Variants in PLEKHM3 observed in about 807,000 individuals in gnomAD.
The protein encoded by PLEKHM3 is pleckstrin homology domain containing M3, also known as pleckstrin homology domain-containing family M member 3.
PLEKHM3 carries 45 observed loss-of-function variants against 81.8 expected under a neutral mutation model. That is an observed-to-expected ratio of 0.55 (90% CI 0.43 to 0.71). The LOEUF (loss-of-function observed/expected upper bound fraction) is 0.71, where lower values mean the gene tolerates loss of function less well. Ranked by LOEUF, PLEKHM3 falls within the 30% of genes least tolerant of loss-of-function variation. The pLI, the probability that PLEKHM3 is intolerant of heterozygous loss-of-function variation, is 0.00. For missense variants in PLEKHM3, 788 were observed against 924.3 expected (o/e 0.85, Z 1.91); for synonymous variants, 352 against 356.4 (o/e 0.99, Z 0.14).
intron 7 of PLEKHM3, among the ~76,000 whole-genome samples, chr2:207,831,818 A>G (rs2092290380): frequency 6.6e-6 from 1 of 152,150 alleles, no homozygotes; most frequent in African/African-American, 2.4e-5. Flanking sequence ...CCTAGTGGCA[A>G]TGGCTTTGTC....
chr2:207,964,792 T>C (rs958744458), intron 3 of PLEKHM3, among the ~76,000 whole-genome samples: 1 of 152,226 alleles, frequency 6.6e-6, no homozygotes, highest in Non-Finnish European at 1.5e-5. Flanking sequence ...AAAACTTTTT[T>C]ATGTTAACAT....
chr2:207,958,588 T>G (rs1690609095), intron 3 of PLEKHM3, among the ~76,000 whole-genome samples: 1 of 152,198 alleles, frequency 6.6e-6, no homozygotes, highest in African/African-American at 2.4e-5. Context: ...CTTGAAGCAC[T>G]GAGAGCTTCA....
rs185820136 is a variant in PLEKHM3, at chr2:207,979,377, T to C, written c.611-1791A>G. ...TGGCGAAACCCATCTCTACTAAAAA[T>C]ACAAAAATTAGCTGGGTGTGGTGGC... On this transcript the variant is annotated intron_variant, in intron 2 of 7. Transcript: ENST00000427836. Among the ~76,000 whole-genome samples, 220 of 151,936 alleles carry C rather than the reference T, an allele frequency of 1.4e-3. 1 individual carries two copies. The highest frequency in any genetic ancestry group is 5.1e-3 in the African/African-American group (213 of 41,458).
chr2:208,002,126 G>A (rs953989587), intron 1 of PLEKHM3, among the ~76,000 whole-genome samples, 169 bp from the exon 2 acceptor site: 3 of 152,160 alleles, frequency 2.0e-5, no homozygotes, highest in South Asian at 2.1e-4. Context: ...ATCACTACCC[G>A]CTTTGGATAA....
At chr2:207,834,943 GTT>G (rs1206255117) in intron 7 of PLEKHM3, among the ~76,000 whole-genome samples, 1 of 140,122 alleles carries the variant, frequency 7.1e-6, no homozygotes. Flanking sequence ...TCAACAACTT[GTT>G]TTTTTTTTTT....
intron 6 of PLEKHM3, among the ~76,000 whole-genome samples, chr2:207,875,779 C>T (rs1445062651): frequency 6.6e-6 from 1 of 152,054 alleles, no homozygotes; most frequent in Non-Finnish European, 1.5e-5. Context: ...CTGAGGCCAG[C>T]TGGGCAACAC....
At chr2:207,966,561 C>CT (rs141516626) in intron 3 of PLEKHM3, among the ~76,000 whole-genome samples, 2,479 of 151,184 alleles carry the variant, frequency 0.016, 68 homozygotes, top group African/African-American at 0.055. Context: ...AGTATTTTTT[C>CT]TTTTTTTTTG....
chr2:207,999,195 C>T (rs1443707638), intron 2 of PLEKHM3, among the ~76,000 whole-genome samples: 2 of 152,092 alleles, frequency 1.3e-5, no homozygotes, highest in African/African-American at 4.8e-5. Context: ...GTTGTCCAGA[C>T]TGGTCTCTGA....
chr2:207,881,420 T>C lies in PLEKHM3; in HGVS notation c.1951-20158A>G, dbSNP rs116227228. Among the ~76,000 whole-genome samples the C allele has an allele frequency of 6.5e-3, 995 of 152,272 alleles. 14 individuals are homozygous for C. The highest frequency in any genetic ancestry group is 0.023 in the African/African-American group (936 of 41,552). On this transcript the variant is annotated intron_variant, in intron 6 of 7. Coordinates refer to ENST00000427836, the MANE Select transcript of PLEKHM3 (RefSeq NM_001080475.3). Reference sequence around the variant, plus strand: ...TAGCCTCCGCAAGGTATTGATCCCATTGAATCCTCACCACATCATTATGGG... The same window carrying C: ...TAGCCTCCGCAAGGTATTGATCCCACTGAATCCTCACCACATCATTATGGG...
At chr2:207,901,267 T>C in intron 6 of PLEKHM3, 1 of 703,034 alleles carries the variant, frequency 1.4e-6, no homozygotes. Flanking sequence ...GATCCTTCAA[T>C]CATCTGTGGA....
At chr2:208,003,236 G>A (rs182098055) in intron 1 of PLEKHM3, among the ~76,000 whole-genome samples, 1 of 152,318 alleles carries the variant, frequency 6.6e-6, no homozygotes, top group East Asian at 1.9e-4. Flanking sequence ...CTTCCACCAT[G>A]ATTCCAGCCA....
chr2:207,863,450 A>C (rs1163680389), intron 6 of PLEKHM3, among the ~76,000 whole-genome samples: 1 of 152,240 alleles, frequency 6.6e-6, no homozygotes, highest in African/African-American at 2.4e-5. Context: ...AACACTACTA[A>C]GTCTTTCACC....
chr2:208,000,144 A>G (rs1692248234), intron 2 of PLEKHM3, among the ~76,000 whole-genome samples: 1 of 152,114 alleles, frequency 6.6e-6, no homozygotes, highest in Admixed American at 6.5e-5. Context: ...GTATGAGGAG[A>G]AAGGAAATTC....
intron 6 of PLEKHM3, among the ~76,000 whole-genome samples, chr2:207,869,414 A>G (rs1278250373): frequency 6.6e-6 from 1 of 152,172 alleles, no homozygotes; most frequent in Non-Finnish European, 1.5e-5. Flanking sequence ...AAATTGCCCT[A>G]TCTCCTTGAG....
chr2:207,860,972 C>T, intron 7 of PLEKHM3, 133 bp downstream of exon 7: 1 of 1,066,612 alleles, frequency 9.4e-7, no homozygotes, highest in Non-Finnish European at 1.3e-6. Flanking sequence ...ACATGTTCTC[C>T]AAGAACAAGG....
Sources: allele counts gnomAD v4.1 joint callset (sites outside exome capture counted in the v4.1 genomes callset), GRCh38; gene constraint gnomAD v4.1.1; transcripts MANE v1.5; gene names NCBI Gene and HGNC (gene_info 2026-07-23, HGNC 2026-07-21).